Variants in GALNT13 observed in about 807,000 individuals in gnomAD.
The protein encoded by GALNT13 is polypeptide N-acetylgalactosaminyltransferase 13.
GALNT13 carries 28 observed loss-of-function variants against 64.2 expected under a neutral mutation model. The observed-to-expected ratio is 0.44, with a 90% CI of 0.32 to 0.60. The LOEUF is 0.60. Among genes scored for constraint, GALNT13 ranks in the 20% least tolerant of loss-of-function variants. The probability of loss-of-function intolerance (pLI) is 0.05; values close to 1 mark genes in which losing one functional copy is unlikely to be tolerated. For missense variants in GALNT13, 577 were observed against 669.8 expected (o/e 0.86, Z 1.53); for synonymous variants, 214 against 224.6 (o/e 0.95, Z 0.42).
chr2:154,359,750 A>T (rs1696955216), intron 9 of GALNT13, among the ~76,000 whole-genome samples: 2 of 152,152 alleles, frequency 1.3e-5, no homozygotes, highest in Admixed American at 1.3e-4. Flanking sequence ...GTGCATGTTG[A>T]TACTGAAGAT....
the GALNT13 span, among the ~76,000 whole-genome samples, chr2:153,624,668 G>A: frequency 7.2e-5 from 11 of 152,024 alleles, no homozygotes; most frequent in Non-Finnish European, 1.6e-4. Context: ...ACTGAGCTAT[G>A]CGGGTTATTA....
At chr2:153,656,339 T>TGTGTGTGTGTGTGTGCGC in the GALNT13 span, among the ~76,000 whole-genome samples, 1 of 141,580 alleles carries the variant, frequency 7.1e-6, no homozygotes, top group Admixed American at 7.1e-5. Context: ...TGTGTGTGTG[T>TGTGTGTGTGTGTGTGCGC]GCGCGCGCAC....
chr2:153,811,663 A>C, the GALNT13 span, among the ~76,000 whole-genome samples: 2 of 152,228 alleles, frequency 1.3e-5, no homozygotes, highest in East Asian at 3.8e-4. Flanking sequence ...TGCAAGCCAA[A>C]GCCTACAGTT....
At chr2:153,750,753 T>C in the GALNT13 span, among the ~76,000 whole-genome samples, 2 of 151,818 alleles carry the variant, frequency 1.3e-5, no homozygotes, top group African/African-American at 2.4e-5. Context: ...TTTTGTTTAA[T>C]TTTTAAAAAA....
the GALNT13 span, among the ~76,000 whole-genome samples, chr2:153,811,151 G>C: frequency 6.6e-6 from 1 of 152,098 alleles, no homozygotes; most frequent in Non-Finnish European, 1.5e-5. Context: ...GGAAACGGAG[G>C]TTCAGAAAGG....
intron 1 of GALNT13, among the ~76,000 whole-genome samples, chr2:153,872,827 C>A (rs1268243004): frequency 1.3e-5 from 2 of 152,144 alleles, no homozygotes; most frequent in Non-Finnish European, 2.9e-5. Flanking sequence ...ATAGTGCCCC[C>A]TTTGCCTCGC....
At chr2:153,174,014 T>C in the GALNT13 span, among the ~76,000 whole-genome samples, 1 of 152,148 alleles carries the variant, frequency 6.6e-6, no homozygotes, top group Admixed American at 6.5e-5. Flanking sequence ...GCAGGGCAAA[T>C]TTTATTACAT....
chr2:154,173,783 T>TGAAA (rs1422964815), intron 4 of GALNT13, among the ~76,000 whole-genome samples: 1 of 152,120 alleles, frequency 6.6e-6, no homozygotes, highest in Non-Finnish European at 1.5e-5. Flanking sequence ...TATGAAAAAA[T>TGAAA]GTTCAACATC....
chr2:153,200,217 A>G, the GALNT13 span, among the ~76,000 whole-genome samples: 1 of 152,230 alleles, frequency 6.6e-6, no homozygotes, highest in Admixed American at 6.5e-5. Flanking sequence ...ACTGAAGACA[A>G]TCTAAGACTG....
chr2:153,349,052 T>C, the GALNT13 span, among the ~76,000 whole-genome samples: 1 of 152,326 alleles, frequency 6.6e-6, no homozygotes, highest in South Asian at 2.1e-4. Flanking sequence ...GGCTTAACTA[T>C]GATAAGTACA....
intron 9 of GALNT13, among the ~76,000 whole-genome samples, chr2:154,365,700 G>A (rs888230647): frequency 9.9e-5 from 15 of 152,260 alleles, no homozygotes; most frequent in East Asian, 1.9e-4. Context: ...TTAAGTCATC[G>A]ACTTAGGATT....
intron 9 of GALNT13, among the ~76,000 whole-genome samples, chr2:154,349,848 C>G (rs2105250766): frequency 6.6e-6 from 1 of 152,274 alleles, no homozygotes. Context: ...AATGTTCTTG[C>G]ACATGTTTGC....
At chr2:154,154,513 A>C (rs1051823623) in intron 4 of GALNT13, among the ~76,000 whole-genome samples, 10 of 152,342 alleles carry the variant, frequency 6.6e-5, no homozygotes, top group African/African-American at 2.4e-4. Flanking sequence ...TTATTCTTGC[A>C]GTATTATATA....
chr2:153,888,665 A>G lies in GALNT13; in HGVS notation c.-176-12271A>G, dbSNP rs1687349196. Among the ~76,000 whole-genome samples, 2 of 151,972 alleles carry G rather than the reference A, an allele frequency of 1.3e-5. 1 individual carries two copies. The highest frequency in any genetic ancestry group is 4.1e-4 in the South Asian group (2 of 4,838). On this transcript the variant is annotated intron_variant, in intron 1 of 12. Transcript: ENST00000392825. ...TACAAGCTTCAATAACTTTGTAAAC[A>G]ATTTCTACATAAAATATATTTAAAA...
At chr2:153,779,166 A>C in the GALNT13 span, among the ~76,000 whole-genome samples, 1 of 152,198 alleles carries the variant, frequency 6.6e-6, no homozygotes, top group South Asian at 2.1e-4. Flanking sequence ...ATCCAGGACA[A>C]TATATCTTTC....
the GALNT13 span, among the ~76,000 whole-genome samples, chr2:153,198,441 A>G: frequency 6.6e-6 from 1 of 152,140 alleles, no homozygotes; most frequent in Non-Finnish European, 1.5e-5. Context: ...GCTGGACTAT[A>G]CACCTCTCCT....
the GALNT13 span, among the ~76,000 whole-genome samples, chr2:153,234,201 A>G: frequency 5.9e-5 from 9 of 152,168 alleles, no homozygotes; most frequent in Non-Finnish European, 1.3e-4. Context: ...CATTCCATGC[A>G]TTTGGGTCTC....
At chr2:153,764,797 C>T in the GALNT13 span, among the ~76,000 whole-genome samples, 9 of 152,208 alleles carry the variant, frequency 5.9e-5, no homozygotes, top group African/African-American at 2.2e-4. Context: ...AGGCCCAGGG[C>T]CCCCTGCTGT....
rs1352897947 is a variant in GALNT13 at position 154,348,616 on chromosome 2, T to C, written c.1156+47027T>C. Among the ~76,000 whole-genome samples, 2 of 152,098 alleles carry C rather than the reference T, an allele frequency of 1.3e-5. 1 individual carries two copies. ...TAACAAAGCCATGGCATCTATTTTA[T>C]GTTTGGGGCTGGCCCATCTCTCATG... On this transcript the variant is annotated intron_variant, in intron 9 of 12. Transcript: ENST00000392825.
Sources: allele counts gnomAD v4.1 joint callset (sites outside exome capture counted in the v4.1 genomes callset), GRCh38; gene constraint gnomAD v4.1.1; transcripts MANE v1.5; gene names NCBI Gene and HGNC (gene_info 2026-07-23, HGNC 2026-07-21).